The following KIRREL3 variants were observed in gnomAD, a reference collection of about 807,000 sequenced individuals.
The protein encoded by KIRREL3 is kin of IRRE-like protein 3.
KIRREL3 carries 36 observed loss-of-function variants against 89.7 expected under a neutral mutation model. The observed-to-expected ratio is 0.40, with a 90% CI of 0.31 to 0.53. The LOEUF (loss-of-function observed/expected upper bound fraction) is 0.53, where lower values mean the gene tolerates loss of function less well. Ranked by LOEUF, KIRREL3 falls within the 20% of genes least tolerant of loss-of-function variation. The pLI, the probability that KIRREL3 is intolerant of heterozygous loss-of-function variation, is 0.49. For missense variants in KIRREL3, 864 were observed against 1,056.6 expected, an observed-to-expected ratio of 0.82 and a Z score of 2.53; for synonymous variants, 445 against 441.4, an observed-to-expected ratio of 1.01 and a Z score of -0.10.
intron 6 of KIRREL3, among the ~76,000 whole-genome samples, chr11:126,456,805 T>G (rs1045654105): frequency 3.3e-5 from 5 of 152,196 alleles, no homozygotes; most frequent in African/African-American, 4.8e-5. Flanking sequence ...GAGGGGCGCG[T>G]GGACACTCAG....
Position 126,885,748 on chromosome 11 carries a change from G to A in KIRREL3, c.55+114707C>T, listed in dbSNP as rs111606662. ...AGCAGAGGGCAGCAGGCTGGCTCCC[G>A]AGCTACCTTAGGTTGTATGCCTCAG... On this transcript the variant is annotated intron_variant, in intron 1 of 16. Coordinates refer to ENST00000525144, the MANE Select transcript of KIRREL3 (RefSeq NM_032531.4). Among the ~76,000 whole-genome samples, 189 of 152,260 alleles carry A rather than the reference G, an allele frequency of 1.2e-3. 1 individual carries two copies. Among genetic ancestry groups the A allele is most frequent in the African/African-American group, 3.9e-3 (163 of 41,556 alleles).
intron 1 of KIRREL3, among the ~76,000 whole-genome samples, chr11:126,584,221 C>T (rs936574619): frequency 6.6e-6 from 1 of 152,172 alleles, no homozygotes; most frequent in African/African-American, 2.4e-5. Flanking sequence ...ATCAACATAG[C>T]CTGGGAGCAC....
rs534508396 is a variant in KIRREL3 at position 126,796,388 on chromosome 11, C to T, written c.55+204067G>A. On this transcript the variant is annotated intron_variant, in intron 1 of 16. Coordinates refer to ENST00000525144, the MANE Select transcript of KIRREL3 (RefSeq NM_032531.4). This position sits in a 1 kb window ranked among gnomAD's most constrained non-coding sequence, Gnocchi z 5.1. ...CTTGGATGGAAGGATCTCATTCTGC[C>T]CGTCCTGTCCCGCAGCATTGGGTGT... Among the ~76,000 whole-genome samples, 2 of 152,190 alleles carry T rather than the reference C, an allele frequency of 1.3e-5. No individual in the cohort carries two copies. Among genetic ancestry groups the T allele is most frequent in the Admixed American group, 6.5e-5 (1 of 15,296 alleles).
In KIRREL3 at chr11:126,579,532, T is replaced by G. The variant is rs1183832931; in HGVS notation, c.56-16620A>C. On this transcript the variant is annotated intron_variant, in intron 1 of 16. Transcript: ENST00000525144. The surrounding 1 kb of genome is among the most constrained non-coding windows in gnomAD (Gnocchi z 5.3). Reference sequence around the variant, plus strand: ...CATGAGCAAATGGGGTCCGGGTTCATGCAAGAAGCCAGTGGAAGAGGAGAA... The same window carrying G: ...CATGAGCAAATGGGGTCCGGGTTCAGGCAAGAAGCCAGTGGAAGAGGAGAA... Among the ~76,000 whole-genome samples, 1 of 152,106 alleles carries G rather than the reference T, an allele frequency of 6.6e-6. No homozygotes were observed. Among genetic ancestry groups the G allele is most frequent in the African/African-American group, 2.4e-5 (1 of 41,408 alleles).
intron 1 of KIRREL3, among the ~76,000 whole-genome samples, chr11:126,720,845 C>T (rs992445400): frequency 2.6e-4 from 39 of 152,076 alleles, no homozygotes; most frequent in African/African-American, 9.4e-4. Flanking sequence ...GAGAAGATAG[C>T]GAGGGGACCT....
rs559547167 is a variant in KIRREL3, at chr11:126,772,727, A to T, written c.56-209815T>A. 3.3e-5 allele frequency among the ~76,000 whole-genome samples: 5 copies of T among 152,314 alleles called. No individual in the cohort carries two copies. The South Asian group carries it at 8.3e-4, about 25-fold the overall frequency. On this transcript the variant is annotated intron_variant, in intron 1 of 16. Transcript: ENST00000525144. The surrounding 1 kb of genome is among the most constrained non-coding windows in gnomAD (Gnocchi z 4.6). ...CTGGAGAGGCCACAGGCCAGCAGGG[A>T]AGTCACTGCAGCCTCTGGGGGTGCC...
In KIRREL3 at chr11:126,431,141, G is replaced by T. The variant is rs981629354; in HGVS notation, c.1696+278C>A. Reference sequence around the variant, plus strand: ...CCCCCTATCTTTCTGTACAGTTCCTGACTGAAAGAGCTATGTGTTCAATCC... The same window carrying T: ...CCCCCTATCTTTCTGTACAGTTCCTTACTGAAAGAGCTATGTGTTCAATCC... On this transcript the variant is annotated intron_variant, in intron 14 of 16. Transcript: ENST00000525144. The surrounding 1 kb of genome is among the most constrained non-coding windows in gnomAD (Gnocchi z 7.1). 1.6e-5 allele frequency: 23 copies of T among 1,434,774 alleles called. No individual in the cohort carries two copies. The highest frequency in any genetic ancestry group is 2.1e-5 in the Non-Finnish European group (23 of 1,097,872). 88.9% of individuals were successfully genotyped at this position (1,434,774 alleles called of 1,614,324 possible).
At chr11:126,591,043 C>T (rs539634911) in intron 1 of KIRREL3, among the ~76,000 whole-genome samples, 8 of 152,118 alleles carry the variant, frequency 5.3e-5, no homozygotes, top group Non-Finnish European at 7.3e-5. Flanking sequence ...CTGGGTTACA[C>T]GGTAAAATTA....
intron 10 of KIRREL3, chr11:126,440,794 T>C (rs1338554658): frequency 1.7e-6 from 1 of 578,166 alleles, no homozygotes; most frequent in Non-Finnish European, 3.1e-6. Flanking sequence ...TACAAATAAC[T>C]GTAATAAAAG....
intron 1 of KIRREL3, among the ~76,000 whole-genome samples, chr11:126,986,293 C>T (rs1439263553): frequency 6.6e-6 from 1 of 152,070 alleles, no homozygotes; most frequent in Non-Finnish European, 1.5e-5. Flanking sequence ...TGACAATAAG[C>T]AGCTAGCAGA....
At chr11:126,863,250 C>T (rs145575980) in intron 1 of KIRREL3, among the ~76,000 whole-genome samples, 1 of 151,492 alleles carries the variant, frequency 6.6e-6, no homozygotes, top group African/African-American at 2.4e-5. Flanking sequence ...CTGTTCTGTG[C>T]TGGGATTCCA....
intron 1 of KIRREL3, among the ~76,000 whole-genome samples, chr11:126,927,187 T>C (rs1438537769): frequency 6.6e-6 from 1 of 152,162 alleles, no homozygotes; most frequent in Non-Finnish European, 1.5e-5. Context: ...ATGACTGAAA[T>C]GAAAAGCTCC....
Position 126,697,077 on chromosome 11 carries a change from C to A in KIRREL3, c.56-134165G>T, listed in dbSNP as rs58487878. The stretch of plus-strand genomic sequence containing the variant: ...CTTTCGCTCAGGGTGCTCTGCCCTG[C>A]GACTCAGCCTCCTTCGGGCTGCGGC... On this transcript the variant is annotated intron_variant, in intron 1 of 16. Transcript: ENST00000525144. The surrounding 1 kb of genome is among the most constrained non-coding windows in gnomAD (Gnocchi z 4.2). Among the ~76,000 whole-genome samples the A allele has an allele frequency of 6.6e-6, 1 of 152,198 alleles. No individual in the cohort carries two copies. The highest frequency in any genetic ancestry group is 2.4e-5 in the African/African-American group (1 of 41,462).
chr11:126,441,231 T>C lies in KIRREL3; in HGVS notation c.1253-682A>G, dbSNP rs987696607. On this transcript the variant is annotated intron_variant, in intron 10 of 16. Coordinates refer to ENST00000525144, the MANE Select transcript of KIRREL3 (RefSeq NM_032531.4). The surrounding 1 kb of genome is among the most constrained non-coding windows in gnomAD (Gnocchi z 5.0). ...TACCCAGACTGCCCAAGTGAGGCCATGGCTCCCAAACTGACCCCAATATTA... is the reference window on the plus strand; with the variant it reads ...TACCCAGACTGCCCAAGTGAGGCCACGGCTCCCAAACTGACCCCAATATTA... Among the ~76,000 whole-genome samples, 2 of 152,196 alleles carry C rather than the reference T, an allele frequency of 1.3e-5. No individual in the cohort carries two copies. The highest frequency in any genetic ancestry group is 4.1e-4 in the South Asian group (2 of 4,822).
rs1187780242 is a variant in KIRREL3 at position 126,818,468 on chromosome 11, A to T, written c.55+181987T>A. On this transcript the variant is annotated intron_variant, in intron 1 of 16. Coordinates refer to ENST00000525144, the MANE Select transcript of KIRREL3 (RefSeq NM_032531.4). ...ACCTCTCTGAGCCTATTTCCTCACT[A>T]CTTATGATAACATCTCTTTTACGGA... Among the ~76,000 whole-genome samples, 11 of 152,300 alleles carry T rather than the reference A, an allele frequency of 7.2e-5. No homozygotes were observed. In the East Asian group the frequency reaches 2.1e-3, roughly 29 times the overall value.
intron 1 of KIRREL3, among the ~76,000 whole-genome samples, chr11:126,839,012 G>T (rs1460421340): frequency 2.0e-5 from 3 of 152,200 alleles, no homozygotes; most frequent in Non-Finnish European, 2.9e-5. Flanking sequence ...TGCATGGGCT[G>T]CCTCCAAGGG....
In KIRREL3 at chr11:126,427,226, A is replaced by T. The variant is rs780294117; in HGVS notation, c.1807-1502T>A. ...CTAGGCTGTGGTTTCCTCCCTCGTA[A>T]AACTAAACACTCCACTGTGTTAATT... On this transcript the variant is annotated intron_variant, in intron 15 of 16. Coordinates refer to ENST00000525144, the MANE Select transcript of KIRREL3 (RefSeq NM_032531.4). The surrounding 1 kb of genome is among the most constrained non-coding windows in gnomAD (Gnocchi z 5.3). 2.6e-5 allele frequency among the ~76,000 whole-genome samples: 4 copies of T among 152,160 alleles called. No homozygotes were observed. The highest frequency in any genetic ancestry group is 6.5e-5 in the Admixed American group (1 of 15,288).
At chr11:126,426,822 C>A (rs1438347094) in intron 15 of KIRREL3, among the ~76,000 whole-genome samples, 1 of 152,244 alleles carries the variant, frequency 6.6e-6, no homozygotes, top group Non-Finnish European at 1.5e-5. Context: ...GCTGCCTCCT[C>A]ACTAAGGAGA....
rs1410009815 is a variant in KIRREL3, at chr11:126,443,903, C to T, written c.1252+1076G>A. Among the ~76,000 whole-genome samples, 1 of 152,126 alleles carries T rather than the reference C, an allele frequency of 6.6e-6. No homozygotes were observed. The highest frequency in any genetic ancestry group is 1.5e-5 in the Non-Finnish European group (1 of 68,020). ...GTGGGAACAGGGGCCTCCCAAAGGG[C>T]AGTGGGCATGACAGAGGTGAGGGGG... On this transcript the variant is annotated intron_variant, in intron 10 of 16. Transcript: ENST00000525144. The surrounding 1 kb of genome is among the most constrained non-coding windows in gnomAD (Gnocchi z 7.3).
Sources: allele counts gnomAD v4.1 joint callset (sites outside exome capture counted in the v4.1 genomes callset), GRCh38; gene constraint gnomAD v4.1.1; non-coding constraint Gnocchi (gnomAD v3.1); transcripts MANE v1.5; gene names NCBI Gene and HGNC (gene_info 2026-07-23, HGNC 2026-07-21).